SHISA9: variants seen among roughly 807,000 people sequenced by gnomAD.
SHISA9 encodes the protein protein shisa-9.
In SHISA9, 13 loss-of-function variants were observed where a neutral mutation model predicts 38.0. The ratio of observed to expected loss-of-function variants is 0.34; its 90% CI spans 0.22 to 0.54. SHISA9 has a LOEUF of 0.54. SHISA9 is among the 20% of genes least tolerant of loss of function. SHISA9 has a pLI of 0.91. For synonymous variants in SHISA9, 275 were observed against 242.0 expected (o/e 1.14, Z -1.27); for missense variants, 538 against 575.8 (o/e 0.93, Z 0.67).
chr16:13,306,353 G>A, the SHISA9 span, among the ~76,000 whole-genome samples: 1 of 152,172 alleles, frequency 6.6e-6, no homozygotes, highest in African/African-American at 2.4e-5. Flanking sequence ...GAAGAAGACT[G>A]CAAAGAGCAG....
intron 2 of SHISA9, among the ~76,000 whole-genome samples, chr16:13,152,161 A>G (rs145085695): frequency 6.6e-6 from 1 of 152,336 alleles, no homozygotes; most frequent in Non-Finnish European, 1.5e-5. Context: ...AACTATAAAA[A>G]TACCCAGAGA....
At chr16:13,200,423 C>T (rs1453001570) in intron 2 of SHISA9, among the ~76,000 whole-genome samples, 2 of 131,182 alleles carry the variant, frequency 1.5e-5, no homozygotes, top group Non-Finnish European at 1.6e-5. Context: ...CACACACACA[C>T]ACACACACAC....
chr16:12,908,264 A>T (rs2071130562), intron 1 of SHISA9, among the ~76,000 whole-genome samples: 1 of 152,112 alleles, frequency 6.6e-6, no homozygotes, highest in African/African-American at 2.4e-5. Flanking sequence ...TGTGACATTG[A>T]CCAAGTCTCC....
the SHISA9 span, among the ~76,000 whole-genome samples, chr16:13,245,439 T>C: frequency 6.6e-6 from 1 of 152,178 alleles, no homozygotes; most frequent in Non-Finnish European, 1.5e-5. Context: ...AAAATAGGGA[T>C]AACAATAGTA....
At chr16:13,151,031 TTTC>T (rs2050494526) in intron 2 of SHISA9, among the ~76,000 whole-genome samples, 1 of 152,166 alleles carries the variant, frequency 6.6e-6, no homozygotes, top group African/African-American at 2.4e-5. Context: ...TCATAGGGGT[TTTC>T]TTCTTATATT....
rs5815735 is a variant in SHISA9, at chr16:13,039,485, G to GTT, written c.691+122689_691+122690dup. On this transcript the variant is annotated intron_variant, in intron 2 of 4. Coordinates refer to ENST00000558583, the MANE Select transcript of SHISA9 (RefSeq NM_001145204.3). ...CTGCCCAATGTGTCAATGTCATGGG[G>GTT]TTTTTTTTTTTTTTTTTTTTGAAAC... Among the ~76,000 whole-genome samples the GTT allele has an allele frequency of 4.4e-4, 56 of 126,822 alleles. No homozygotes were observed. In the South Asian group the frequency reaches 6.8e-3, roughly 15 times the overall value. The allele number at this position is 126,822 out of a possible 152,430, so 83.2% of individuals were successfully genotyped here.
intron 2 of SHISA9, among the ~76,000 whole-genome samples, chr16:12,966,959 C>G (rs2071987466): frequency 6.6e-6 from 1 of 152,114 alleles, no homozygotes; most frequent in African/African-American, 2.4e-5. Context: ...TCCTGGGTGC[C>G]AGGACTTGTG....
the SHISA9 span, among the ~76,000 whole-genome samples, chr16:13,442,179 T>G: frequency 6.6e-5 from 10 of 152,248 alleles, no homozygotes; most frequent in Non-Finnish European, 1.3e-4. Context: ...GTTTTGTTGT[T>G]GATGTTTCTT....
chr16:13,065,924 A>T (rs1311541303), intron 2 of SHISA9, among the ~76,000 whole-genome samples: 1 of 152,192 alleles, frequency 6.6e-6, no homozygotes, highest in Non-Finnish European at 1.5e-5. Context: ...CTTTTATGCC[A>T]GGGTCATTAA....
intron 2 of SHISA9, among the ~76,000 whole-genome samples, chr16:12,968,327 G>T (rs1462072280): frequency 6.7e-6 from 1 of 149,932 alleles, no homozygotes; most frequent in Non-Finnish European, 1.5e-5. Flanking sequence ...TAATTCCAAT[G>T]TGTAGACTAG....
At chr16:13,132,864 A>C (rs2050317850) in intron 2 of SHISA9, among the ~76,000 whole-genome samples, 1 of 152,204 alleles carries the variant, frequency 6.6e-6, no homozygotes, top group South Asian at 2.1e-4. Flanking sequence ...ACAAAAAATT[A>C]GGGATGGCTC....
intron 2 of SHISA9, among the ~76,000 whole-genome samples, chr16:13,017,271 T>G (rs1361152633): frequency 6.6e-6 from 1 of 152,136 alleles, no homozygotes; most frequent in Admixed American, 6.5e-5. Context: ...CCGCCCGCCT[T>G]GGCCTCCCAA....
At chr16:12,989,397 C>T (rs997269755) in intron 2 of SHISA9, among the ~76,000 whole-genome samples, 2 of 151,994 alleles carry the variant, frequency 1.3e-5, no homozygotes. Flanking sequence ...AGGCTGGTCT[C>T]GAACTCCTGA....
chr16:12,910,801 A>G (rs552498194), intron 1 of SHISA9: 125 of 881,798 alleles, frequency 1.4e-4, no homozygotes, highest in Non-Finnish European at 1.6e-4. Flanking sequence ...TGGAAGTCCA[A>G]AATCTCCAGA....
At chr16:13,308,829 G>C in the SHISA9 span, among the ~76,000 whole-genome samples, 1 of 152,178 alleles carries the variant, frequency 6.6e-6, no homozygotes, top group South Asian at 2.1e-4. Flanking sequence ...CCATAAGATA[G>C]GTGAACAGGG....
intron 2 of SHISA9, among the ~76,000 whole-genome samples, chr16:13,061,424 A>C (rs1041491677): frequency 1.3e-5 from 2 of 152,220 alleles, no homozygotes; most frequent in Non-Finnish European, 2.9e-5. Context: ...AGCAGTCTGC[A>C]AGTCGCTTCG....
chr16:13,040,674 T>C (rs1229293235), intron 2 of SHISA9, among the ~76,000 whole-genome samples: 1 of 152,242 alleles, frequency 6.6e-6, no homozygotes, highest in African/African-American at 2.4e-5. Flanking sequence ...GCTTAATGCA[T>C]ACAATGCCCC....
At chr16:13,315,641 G>A in the SHISA9 span, among the ~76,000 whole-genome samples, 2 of 152,210 alleles carry the variant, frequency 1.3e-5, no homozygotes, top group Non-Finnish European at 2.9e-5. Flanking sequence ...AAAATGGGAT[G>A]TTAATAGGAT....
chr16:13,230,848 A>G (rs532123992), intron 4 of SHISA9, among the ~76,000 whole-genome samples: 9 of 152,258 alleles, frequency 5.9e-5, no homozygotes, highest in Admixed American at 5.2e-4. Flanking sequence ...TTTCGACCAT[A>G]TAGGGTAACT....
Sources: gnomAD v4.1 joint callset for allele counts (sites outside exome capture counted in the v4.1 genomes callset) on GRCh38, gnomAD v4.1.1 for gene constraint, MANE v1.5 for transcripts, NCBI Gene and HGNC (gene_info 2026-07-23, HGNC 2026-07-21) for gene names.